FAM120A: variants seen among roughly 807,000 people sequenced by gnomAD.
FAM120A encodes the protein constitutive coactivator of PPAR-gamma-like protein 1.
FAM120A carries 15 observed loss-of-function variants against 109.7 expected under a neutral mutation model. That is an observed-to-expected ratio of 0.14 (90% CI 0.09 to 0.21). FAM120A has a LOEUF of 0.21. Among genes scored for constraint, FAM120A ranks in the 10% least tolerant of loss-of-function variants. The pLI is 1.00. For missense variants in FAM120A, 899 were observed against 1,439.3 expected (o/e 0.62, Z 6.07); for synonymous variants, 493 against 572.8 (o/e 0.86, Z 1.99).
chr9:93,544,810 C>T (rs1328217155), intron 11 of FAM120A, among the ~76,000 whole-genome samples: 1 of 152,152 alleles, frequency 6.6e-6, no homozygotes, highest in Non-Finnish European at 1.5e-5. Flanking sequence ...GGGGTGCACA[C>T]CTCCTTCTGT....
At chr9:93,528,300 A>G (rs947242639) in intron 8 of FAM120A, among the ~76,000 whole-genome samples, 1 of 152,256 alleles carries the variant, frequency 6.6e-6, no homozygotes, top group Admixed American at 6.5e-5. Context: ...TTTAAAAAAT[A>G]AAATTAAGGA....
intron 2 of FAM120A, among the ~76,000 whole-genome samples, chr9:93,474,449 A>G (rs1392759753): frequency 1.3e-5 from 2 of 152,194 alleles, no homozygotes; most frequent in African/African-American, 4.8e-5. Flanking sequence ...GTATAGCTAT[A>G]TAAAGTATTT....
rs149524678 is a variant in FAM120A at position 93,516,177 on chromosome 9, C to T, written c.1326C>T (p.Ser442=). 63 of 1,613,898 alleles carry T rather than the reference C, an allele frequency of 3.9e-5. No homozygotes were observed. The highest frequency in any genetic ancestry group is 1.6e-4 in the Middle Eastern group (1 of 6,078). Residue 442 remains serine, a synonymous_variant, in exon 7 of 18, where the codon AGC becomes AGT. Transcript: ENST00000277165. ...CCTCGCCCATCAACCCGGCCCAGAG[C>T]GGCAGCCCCAACCACGTGGATTCCG... The part of the protein sequence containing the change: ...ERSSPINPAQ[S]GSPNHVDSAY...
At chr9:93,504,663 T>C (rs1859952193) in intron 5 of FAM120A, among the ~76,000 whole-genome samples, 1 of 152,214 alleles carries the variant, frequency 6.6e-6, no homozygotes, top group Non-Finnish European at 1.5e-5. Context: ...AGCATTCCAT[T>C]GTATTAATAT....
At chr9:93,501,886 T>A (rs1172274595) in intron 5 of FAM120A, among the ~76,000 whole-genome samples, 3 of 152,224 alleles carry the variant, frequency 2.0e-5, no homozygotes, top group Admixed American at 6.5e-5. Context: ...TGTCATTGAT[T>A]TTTACCCCTG....
At chr9:93,522,352 G>A (rs985437663) in intron 7 of FAM120A, among the ~76,000 whole-genome samples, 1 of 152,156 alleles carries the variant, frequency 6.6e-6, no homozygotes, top group African/African-American at 2.4e-5. Context: ...GAATATTCAA[G>A]CACCTTATTT....
intron 7 of FAM120A, chr9:93,523,407 A>G (rs1040101182): frequency 1.0e-6 from 1 of 973,728 alleles, no homozygotes; most frequent in African/African-American, 1.7e-5. Flanking sequence ...GTGTAACTGT[A>G]GGTTTTTCTT....
intron 12 of FAM120A, among the ~76,000 whole-genome samples, chr9:93,553,765 A>C (rs1862187319): frequency 6.6e-6 from 1 of 152,182 alleles, no homozygotes; most frequent in Non-Finnish European, 1.5e-5. Flanking sequence ...CGTCTGTACA[A>C]GGGAGTACTA....
At chr9:93,559,828 G>A (rs1862411779) in intron 15 of FAM120A, among the ~76,000 whole-genome samples, 1 of 152,210 alleles carries the variant, frequency 6.6e-6, no homozygotes, top group African/African-American at 2.4e-5. Flanking sequence ...ATGATAAAAG[G>A]AACCTGCTTC....
At chr9:93,482,765 C>CCT (rs1858876978) in intron 3 of FAM120A, among the ~76,000 whole-genome samples, 1 of 151,904 alleles carries the variant, frequency 6.6e-6, no homozygotes, top group South Asian at 2.1e-4. Context: ...GTAGACTGGC[C>CCT]CTTTGAGACA....
intron 5 of FAM120A, among the ~76,000 whole-genome samples, chr9:93,506,930 T>C (rs1232245795): frequency 6.6e-6 from 1 of 152,194 alleles, no homozygotes; most frequent in Non-Finnish European, 1.5e-5. Context: ...GAAGGTGCGA[T>C]GGTGACTGTT....
chr9:93,509,887 C>A (rs1588860272), intron 5 of FAM120A, among the ~76,000 whole-genome samples: 1 of 152,172 alleles, frequency 6.6e-6, no homozygotes, highest in East Asian at 1.9e-4. Context: ...TTTATATTTT[C>A]TCACCTCATA....
intron 3 of FAM120A, among the ~76,000 whole-genome samples, chr9:93,494,559 T>G (rs1030966970): frequency 6.6e-6 from 1 of 152,190 alleles, no homozygotes; most frequent in Non-Finnish European, 1.5e-5. Context: ...CCCCTTCTTA[T>G]CTGCAGGCAT....
chr9:93,508,419 A>G (rs1453893899), intron 5 of FAM120A, among the ~76,000 whole-genome samples: 1 of 152,120 alleles, frequency 6.6e-6, no homozygotes, highest in Non-Finnish European at 1.5e-5. Flanking sequence ...CAGGTCCCCA[A>G]GGCTGGTCAC....
intron 1 of FAM120A, among the ~76,000 whole-genome samples, chr9:93,460,730 A>G (rs768429568): frequency 1.1e-4 from 17 of 152,190 alleles, no homozygotes; most frequent in Non-Finnish European, 1.9e-4. Context: ...TGTGTAGTAC[A>G]TGCTCAGAAA....
chr9:93,497,601 T>TACA lies in FAM120A; in HGVS notation c.933+3_933+4insCAA. 2 of 1,317,150 alleles carry TACA rather than the reference T, an allele frequency of 1.5e-6. No homozygotes were observed. The highest frequency in any genetic ancestry group is 2.1e-6 in the Non-Finnish European group (2 of 967,412). 81.6% of individuals were successfully genotyped at this position (1,317,150 alleles called of 1,614,324 possible). On this transcript the variant is annotated splice_region_variant and intron_variant, in intron 4 of 17. Transcript: ENST00000277165. Reference sequence around the variant, plus strand: ...AAAGATGTTTTCCAGCATTCACAGGTAAAAAAAAAAACAAACAAAACAAAA... The same window carrying TACA: ...AAAGATGTTTTCCAGCATTCACAGGTACAAAAAAAAAAAACAAACAAAACAAAA...
rs1381171042 is a variant in FAM120A at position 93,554,658 on chromosome 9, G to A, written c.2275-1724G>A. On this transcript the variant is annotated intron_variant, in intron 12 of 17. Coordinates refer to ENST00000277165, the MANE Select transcript of FAM120A (RefSeq NM_014612.5). ...ATTGCACTCCAGCGTGGATGACAGA[G>A]CGAGACTCTGTTTCAAAGAAAAAAA... is the stretch of plus-strand genomic sequence containing the variant. 2.6e-5 allele frequency among the ~76,000 whole-genome samples: 4 copies of A among 152,146 alleles called. No individual in the cohort carries two copies. The East Asian group carries it at 7.7e-4, about 29-fold the overall frequency.
At position 93,490,929 on chromosome 9, in the gene FAM120A, G is replaced by C. The variant is rs140244758; in HGVS notation, c.805-6542G>C. On this transcript the variant is annotated intron_variant, in intron 3 of 17. Coordinates refer to ENST00000277165, the MANE Select transcript of FAM120A (RefSeq NM_014612.5). Reference sequence around the variant, plus strand: ...TCCCATTGAAGTCCCCTTTGAGGACGTGCCTGACAGGGTTTCCATGGACTT... The same window carrying C: ...TCCCATTGAAGTCCCCTTTGAGGACCTGCCTGACAGGGTTTCCATGGACTT... Among the ~76,000 whole-genome samples, 36 of 152,336 alleles carry C rather than the reference G, an allele frequency of 2.4e-4. 2 individuals carry two copies. The East Asian group carries it at 5.4e-3, about 23-fold the overall frequency.
chr9:93,491,390 A>T lies in FAM120A; in HGVS notation c.805-6081A>T, dbSNP rs191062902. 1.9e-4 allele frequency among the ~76,000 whole-genome samples: 29 copies of T among 152,338 alleles called. No homozygotes were observed. The East Asian group carries it at 5.4e-3, about 28-fold the overall frequency. ...TGGGTCAGGTTTGGTGGCATTCTGC[A>T]TTCAGCTATATCCGTCTGTCAGTGA... On this transcript the variant is annotated intron_variant, in intron 3 of 17. Transcript: ENST00000277165.
Sources: allele counts gnomAD v4.1 joint callset (sites outside exome capture counted in the v4.1 genomes callset), GRCh38; gene constraint gnomAD v4.1.1; transcripts MANE v1.5; gene names NCBI Gene and HGNC (gene_info 2026-07-23, HGNC 2026-07-21).